The following TBC1D22A variants were observed in gnomAD, a reference collection of about 807,000 sequenced individuals.
The protein encoded by TBC1D22A is putative GTPase activator.
In TBC1D22A, 38 loss-of-function variants were observed where a neutral mutation model predicts 60.2. The observed-to-expected ratio is 0.63, with a 90% CI of 0.49 to 0.83. The LOEUF is 0.83. TBC1D22A is among the 40% of genes least tolerant of loss of function. TBC1D22A has a pLI of 0.00. For missense variants in TBC1D22A, 628 were observed against 701.0 expected (o/e 0.90, Z 1.18); for synonymous variants, 302 against 281.7 (o/e 1.07, Z -0.72).
intron 11 of TBC1D22A, among the ~76,000 whole-genome samples, chr22:47,090,627 G>T (rs62225151): frequency 6.6e-6 from 1 of 152,188 alleles, no homozygotes; most frequent in African/African-American, 2.4e-5. Flanking sequence ...CGTCCCCTTC[G>T]TTTGCTTGCT....
At chr22:47,062,525 G>C (rs1317655844) in intron 11 of TBC1D22A, among the ~76,000 whole-genome samples, 3 of 152,122 alleles carry the variant, frequency 2.0e-5, no homozygotes, top group Non-Finnish European at 4.4e-5. Context: ...GGTTCCTCTA[G>C]CGTGAGTGCC....
chr22:46,942,218 G>A (rs2147956226), intron 8 of TBC1D22A, among the ~76,000 whole-genome samples: 1 of 152,204 alleles, frequency 6.6e-6, no homozygotes, highest in Admixed American at 6.5e-5. Flanking sequence ...TTAGGTATCA[G>A]TGATGGAGCC....
intron 12 of TBC1D22A, among the ~76,000 whole-genome samples, chr22:47,150,613 C>T (rs781194976): frequency 1.3e-5 from 2 of 152,216 alleles, no homozygotes; most frequent in East Asian, 1.9e-4. Flanking sequence ...GCTGTCTGCT[C>T]GTTGGCTTGC....
Position 47,079,898 on chromosome 22 carries a change from G to A in TBC1D22A, c.1330-31610G>A, listed in dbSNP as rs186772155. On this transcript the variant is annotated intron_variant, in intron 11 of 12. Coordinates refer to ENST00000337137, the MANE Select transcript of TBC1D22A (RefSeq NM_014346.5). The stretch of plus-strand genomic sequence containing the variant: ...GCTGTTTGCAGATGAAGCACTTTAC[G>A]TGTAATAACATGGATAGAAAAAATG... 1.9e-3 allele frequency among the ~76,000 whole-genome samples: 284 copies of A among 152,284 alleles called. 1 individual carries two copies. The highest frequency in any genetic ancestry group is 6.3e-3 in the African/African-American group (260 of 41,560).
At chr22:46,834,068 C>T (rs1049571159) in intron 4 of TBC1D22A, among the ~76,000 whole-genome samples, 1 of 152,098 alleles carries the variant, frequency 6.6e-6, no homozygotes, top group African/African-American at 2.4e-5. Context: ...TATTTGGACC[C>T]TCTATATCCC....
At chr22:47,045,228 G>A (rs1281117686) in intron 11 of TBC1D22A, among the ~76,000 whole-genome samples, 2 of 152,186 alleles carry the variant, frequency 1.3e-5, no homozygotes, top group South Asian at 2.1e-4. Flanking sequence ...CGTGGCACCT[G>A]GCTGCACACG....
At chr22:46,811,867 A>G (rs973738707) in intron 4 of TBC1D22A, among the ~76,000 whole-genome samples, 2 of 152,196 alleles carry the variant, frequency 1.3e-5, no homozygotes, top group South Asian at 2.1e-4. Context: ...CTGTGGTGCC[A>G]TGAGAAAGCC....
intron 5 of TBC1D22A, among the ~76,000 whole-genome samples, chr22:46,880,271 C>G (rs753261639): frequency 6.6e-6 from 1 of 152,168 alleles, no homozygotes; most frequent in African/African-American, 2.4e-5. Flanking sequence ...AGGTGATACA[C>G]GAATGGTTAC....
chr22:46,906,187 TC>T (rs2069451849), intron 7 of TBC1D22A, among the ~76,000 whole-genome samples: 1 of 152,176 alleles, frequency 6.6e-6, no homozygotes, highest in African/African-American at 2.4e-5. Context: ...TACCTTTTCT[TC>T]CCTACTGCTA....
intron 4 of TBC1D22A, among the ~76,000 whole-genome samples, chr22:46,847,228 G>A (rs2087041079): frequency 6.6e-6 from 1 of 152,216 alleles, no homozygotes; most frequent in Non-Finnish European, 1.5e-5. Flanking sequence ...TTCCCACATA[G>A]GAGAAATAGT....
chr22:47,014,540 C>T (rs985174191), intron 10 of TBC1D22A, among the ~76,000 whole-genome samples: 2 of 152,200 alleles, frequency 1.3e-5, no homozygotes, highest in Admixed American at 6.5e-5. Flanking sequence ...GCTCACTGCT[C>T]GTTAAGCCTA....
At chr22:46,960,924 C>T (rs1353952084) in intron 8 of TBC1D22A, among the ~76,000 whole-genome samples, 1 of 140,444 alleles carries the variant, frequency 7.1e-6, no homozygotes, top group South Asian at 2.3e-4. Flanking sequence ...CACTACACTC[C>T]AGCCTGGGAG....
chr22:46,982,136 T>G (rs2074537271), intron 9 of TBC1D22A, among the ~76,000 whole-genome samples: 2 of 152,136 alleles, frequency 1.3e-5, no homozygotes, highest in South Asian at 4.1e-4. Context: ...CTCTGGAAAG[T>G]CTGTCCTTGT....
intron 12 of TBC1D22A, among the ~76,000 whole-genome samples, chr22:47,171,625 C>T (rs888045543): frequency 1.3e-5 from 2 of 152,218 alleles, no homozygotes; most frequent in South Asian, 4.1e-4. Flanking sequence ...CTCTCTGATC[C>T]CTACTTCTGC....
chr22:46,986,353 T>C (rs2074722221), intron 9 of TBC1D22A, among the ~76,000 whole-genome samples: 1 of 152,154 alleles, frequency 6.6e-6, no homozygotes, highest in Non-Finnish European at 1.5e-5. Flanking sequence ...TTAAGTATTT[T>C]TGGTCCTTTG....
chr22:46,881,303 G>T (rs1275617939), intron 5 of TBC1D22A, among the ~76,000 whole-genome samples: 4 of 152,226 alleles, frequency 2.6e-5, no homozygotes, highest in African/African-American at 9.6e-5. Flanking sequence ...TAGGCACTGT[G>T]TCGGGTGCTG....
chr22:47,105,004 T>C (rs369218964), intron 11 of TBC1D22A, among the ~76,000 whole-genome samples: 12 of 152,134 alleles, frequency 7.9e-5, no homozygotes, highest in African/African-American at 7.2e-5. Context: ...CTCCCTAAAA[T>C]GTACAAAATC....
At chr22:46,939,311 A>G (rs1175682045) in intron 8 of TBC1D22A, among the ~76,000 whole-genome samples, 2 of 152,220 alleles carry the variant, frequency 1.3e-5, no homozygotes, top group Non-Finnish European at 2.9e-5. Flanking sequence ...GATAGCTTAG[A>G]TGAATTTTCT....
intron 8 of TBC1D22A, among the ~76,000 whole-genome samples, chr22:46,936,213 C>T (rs2071642140): frequency 6.6e-6 from 1 of 152,168 alleles, no homozygotes; most frequent in Admixed American, 6.5e-5. Flanking sequence ...GACTTGTTGC[C>T]TTTGCGCTGT....
Sources: allele counts gnomAD v4.1 joint callset (sites outside exome capture counted in the v4.1 genomes callset), GRCh38; gene constraint gnomAD v4.1.1; transcripts MANE v1.5; gene names NCBI Gene and HGNC (gene_info 2026-07-23, HGNC 2026-07-21).